The following DACH1 variants were observed in gnomAD, a reference collection of about 807,000 sequenced individuals.
DACH1 encodes the protein dachshund family transcription factor 1.
In DACH1, 12 loss-of-function variants were observed where a neutral mutation model predicts 54.2. That is an observed-to-expected ratio of 0.22 (90% CI 0.14 to 0.36). The LOEUF (loss-of-function observed/expected upper bound fraction) is 0.36. DACH1 is among the 10% of genes least tolerant of loss of function. DACH1 has a pLI of 1.00. For synonymous variants in DACH1, 386 were observed against 366.2 expected (o/e 1.05, Z -0.62); for missense variants, 805 against 929.8 (o/e 0.87, Z 1.75).
chr13:71,569,062 A>T (rs540309741), intron 4 of DACH1, among the ~76,000 whole-genome samples: 46 of 152,242 alleles, frequency 3.0e-4, no homozygotes, highest in African/African-American at 1.1e-3. Flanking sequence ...TCTCTCATGA[A>T]CGCTTGCATG....
chr13:71,611,665 T>G (rs1212178749), intron 3 of DACH1, among the ~76,000 whole-genome samples: 1 of 152,216 alleles, frequency 6.6e-6, no homozygotes, highest in East Asian at 1.9e-4. Context: ...CTTCATTTAT[T>G]TTTTCTATAC....
At chr13:71,803,842 C>G (rs549841842) in intron 1 of DACH1, among the ~76,000 whole-genome samples, 1 of 152,222 alleles carries the variant, frequency 6.6e-6, no homozygotes, top group East Asian at 1.9e-4. Context: ...CTTCTCTTTC[C>G]TCTCTTTAAA....
chr13:71,629,924 C>G (rs575831895), intron 3 of DACH1, among the ~76,000 whole-genome samples: 12 of 151,996 alleles, frequency 7.9e-5, no homozygotes, highest in African/African-American at 2.7e-4. Flanking sequence ...AATGAATTAC[C>G]CAAATGGATA....
At chr13:71,518,805 A>G (rs1881349865) in intron 6 of DACH1, among the ~76,000 whole-genome samples, 1 of 151,902 alleles carries the variant, frequency 6.6e-6, no homozygotes, top group South Asian at 2.1e-4. Flanking sequence ...TAGGCAAACT[A>G]TGGACCATAG....
intron 4 of DACH1, 23 bp downstream of exon 4, chr13:71,572,814 AAAT>A: frequency 1.3e-6 from 2 of 1,598,864 alleles, no homozygotes; most frequent in South Asian, 2.3e-5. Flanking sequence ...GAACATGCCA[AAAT>A]AATTGTATAA....
At chr13:71,840,123 T>C (rs1165562212) in intron 1 of DACH1, among the ~76,000 whole-genome samples, 3 of 152,072 alleles carry the variant, frequency 2.0e-5, no homozygotes, top group Admixed American at 6.6e-5. Flanking sequence ...AGTTTTTCTA[T>C]TTTTAGTAGA....
intron 3 of DACH1, chr13:71,573,421 T>C (rs188137774): frequency 4.2e-6 from 3 of 716,560 alleles, no homozygotes; most frequent in East Asian, 5.4e-5. Context: ...ATCGTACCAT[T>C]TGGCAGAAGG....
At chr13:71,778,092 CAATAAATAAATA>C (rs369933133) in intron 1 of DACH1, among the ~76,000 whole-genome samples, 4,288 of 138,896 alleles carry the variant, frequency 0.031, 174 homozygotes, top group African/African-American at 0.094. Flanking sequence ...ACCCTGTCTA[CAATAAATAAATA>C]AATAAATAAA....
At position 71,764,509 on chromosome 13, in the gene DACH1, C is replaced by T. The variant is rs540508804; in HGVS notation, c.849-82599G>A. On this transcript the variant is annotated intron_variant, in intron 1 of 10. Coordinates refer to ENST00000613252, the MANE Select transcript of DACH1 (RefSeq NM_080759.6). ...TGAGATAAAGTATTCAATAAAGGCACAAAGAAAAGAAAACATAAACAGCCC... is the reference window on the plus strand; with the variant it reads ...TGAGATAAAGTATTCAATAAAGGCATAAAGAAAAGAAAACATAAACAGCCC... 1.5e-4 allele frequency among the ~76,000 whole-genome samples: 23 copies of T among 151,976 alleles called. No individual in the cohort carries two copies. In the East Asian group the frequency reaches 4.5e-3, roughly 29 times the overall value.
At chr13:71,500,914 ACT>A (rs756733815) in intron 6 of DACH1, among the ~76,000 whole-genome samples, 7 of 151,792 alleles carry the variant, frequency 4.6e-5, no homozygotes, top group Non-Finnish European at 8.8e-5. Context: ...TTCCAATCTG[ACT>A]CTGTTAGAGC....
chr13:71,483,662 G>A (rs1318172503), intron 7 of DACH1, among the ~76,000 whole-genome samples: 2 of 151,448 alleles, frequency 1.3e-5, no homozygotes, highest in South Asian at 4.2e-4. Flanking sequence ...ATATTGAAAT[G>A]TAAAGAACTG....
chr13:71,722,198 C>G (rs1883258477), intron 1 of DACH1, among the ~76,000 whole-genome samples: 1 of 152,126 alleles, frequency 6.6e-6, no homozygotes, highest in Non-Finnish European at 1.5e-5. Context: ...TACAGACATT[C>G]TGGGTGATTT....
At chr13:71,804,790 T>C (rs1231367853) in intron 1 of DACH1, among the ~76,000 whole-genome samples, 2 of 152,190 alleles carry the variant, frequency 1.3e-5, no homozygotes, top group East Asian at 3.9e-4. Context: ...TTTGCTTCAA[T>C]ATGTTCTTTC....
chr13:71,727,885 T>C (rs1173026157), intron 1 of DACH1, among the ~76,000 whole-genome samples: 2 of 152,126 alleles, frequency 1.3e-5, no homozygotes, highest in African/African-American at 4.8e-5. Context: ...GCATAAAGCA[T>C]ACTGTGTTAA....
intron 6 of DACH1, among the ~76,000 whole-genome samples, chr13:71,513,723 G>T (rs573248314): frequency 6.6e-6 from 1 of 152,114 alleles, no homozygotes; most frequent in South Asian, 2.1e-4. Flanking sequence ...CAAGGGTTTT[G>T]TATAATGTAT....
intron 1 of DACH1, among the ~76,000 whole-genome samples, chr13:71,770,704 C>T (rs1177673648): frequency 6.6e-6 from 1 of 151,544 alleles, no homozygotes; most frequent in Non-Finnish European, 1.5e-5. Context: ...GTGTTGTTTT[C>T]ATTAAGTTTT....
intron 1 of DACH1, among the ~76,000 whole-genome samples, chr13:71,694,021 G>A (rs745453395): frequency 2.0e-5 from 3 of 152,030 alleles, no homozygotes; most frequent in Non-Finnish European, 2.9e-5. Flanking sequence ...TCTCAAATGA[G>A]GGTAAAAAAA....
At chr13:71,478,202 T>C (rs1877742320) in intron 8 of DACH1, among the ~76,000 whole-genome samples, 1 of 152,188 alleles carries the variant, frequency 6.6e-6, no homozygotes. Context: ...GTTTACCTTG[T>C]TTTGATTATT....
intron 1 of DACH1, among the ~76,000 whole-genome samples, chr13:71,834,902 C>T (rs1888723517): frequency 6.6e-6 from 1 of 152,106 alleles, no homozygotes; most frequent in African/African-American, 2.4e-5. Flanking sequence ...GCATTTTTAC[C>T]TCTGCTTTTT....
Sources: gnomAD v4.1 joint callset for allele counts (sites outside exome capture counted in the v4.1 genomes callset) on GRCh38, gnomAD v4.1.1 for gene constraint, MANE v1.5 for transcripts, NCBI Gene and HGNC (gene_info 2026-07-23, HGNC 2026-07-21) for gene names.